Variants in GARNL3 observed in about 807,000 individuals in gnomAD.
GARNL3 encodes GTPase-activating Rap/Ran-GAP domain-like protein 3.
A neutral mutation model predicts 125.0 loss-of-function variants in GARNL3; 63 were observed. That is an observed-to-expected ratio of 0.50 (90% CI 0.41 to 0.62). The LOEUF is 0.62. Ranked by LOEUF, GARNL3 falls within the 20% of genes least tolerant of loss-of-function variation. The pLI, the probability that GARNL3 is intolerant of heterozygous loss-of-function variation, is 0.00. For synonymous variants in GARNL3, 439 were observed against 457.5 expected, an observed-to-expected ratio of 0.96 and a Z score of 0.52; for missense variants, 994 against 1,244.0, an observed-to-expected ratio of 0.80 and a Z score of 3.02.
At chr9:127,320,459 TAGA>T (rs2065363860) in intron 5 of GARNL3, among the ~76,000 whole-genome samples, 2 of 152,344 alleles carry the variant, frequency 1.3e-5, no homozygotes, top group South Asian at 4.1e-4. Context: ...AATAAGAATC[TAGA>T]AGAATAGCCA....
intron 1 of GARNL3, among the ~76,000 whole-genome samples, chr9:127,229,860 G>T (rs2062972422): frequency 6.6e-6 from 1 of 152,202 alleles, no homozygotes; most frequent in African/African-American, 2.4e-5. Context: ...TAAGCATCTT[G>T]TTGGCATCAG....
intron 22 of GARNL3, among the ~76,000 whole-genome samples, chr9:127,368,008 C>CTTTTTT (rs10573639): frequency 5.5e-4 from 45 of 81,898 alleles, no homozygotes; most frequent in African/African-American, 1.0e-3. Context: ...CATAGACTTT[C>CTTTTTT]TTTTTTTTTT....
chr9:127,239,957 G>T (rs539883680), intron 1 of GARNL3, among the ~76,000 whole-genome samples: 6 of 152,044 alleles, frequency 3.9e-5, no homozygotes, highest in African/African-American at 1.4e-4. Context: ...AAAAGAACAT[G>T]GTAAGATAAT....
chr9:127,225,238 C>T (rs986827802), intron 1 of GARNL3: 6 of 465,510 alleles, frequency 1.3e-5, no homozygotes, highest in South Asian at 9.0e-5. Context: ...TGGGCTGCGG[C>T]GCGCGAGCCG....
chr9:127,238,592 T>G (rs530502727), intron 1 of GARNL3, among the ~76,000 whole-genome samples: 26 of 152,334 alleles, frequency 1.7e-4, no homozygotes, highest in African/African-American at 5.8e-4. Flanking sequence ...GATACCCCCA[T>G]GTCCTCTCCT....
At chr9:127,348,238 C>G (rs1830245005) in intron 16 of GARNL3, among the ~76,000 whole-genome samples, 1 of 152,204 alleles carries the variant, frequency 6.6e-6, no homozygotes, top group Non-Finnish European at 1.5e-5. Context: ...TGACTAAGAT[C>G]ATGGAACACA....
rs76689290 is a variant in GARNL3 at position 127,294,856 on chromosome 9, G to A, written c.219+3614G>A. ...CCCTGCTCCTAGGGGCCTGCAGATGGCAGGGAGAGCCATCAGTAACCAATA... is the reference window on the plus strand; with the variant it reads ...CCCTGCTCCTAGGGGCCTGCAGATGACAGGGAGAGCCATCAGTAACCAATA... On this transcript the variant is annotated intron_variant, in intron 2 of 27. Coordinates refer to ENST00000373387, the MANE Select transcript of GARNL3 (RefSeq NM_032293.5). 4.7e-4 allele frequency among the ~76,000 whole-genome samples: 71 copies of A among 152,308 alleles called. 1 individual carries two copies. In the East Asian group the frequency reaches 0.013, roughly 27 times the overall value.
chr9:127,316,386 A>T (rs1468449673), intron 4 of GARNL3, among the ~76,000 whole-genome samples: 3 of 152,178 alleles, frequency 2.0e-5, no homozygotes, highest in African/African-American at 7.2e-5. Flanking sequence ...CTACAAAAAA[A>T]AAATAAAAAT....
chr9:127,274,253 C>A (rs1162519523), intron 1 of GARNL3, among the ~76,000 whole-genome samples: 2 of 152,162 alleles, frequency 1.3e-5, no homozygotes, highest in African/African-American at 4.8e-5. Flanking sequence ...AGAATTAACA[C>A]CACCTGACCA....
chr9:127,298,893 G>T (rs1430035814), intron 2 of GARNL3, among the ~76,000 whole-genome samples: 1 of 152,160 alleles, frequency 6.6e-6, no homozygotes, highest in Non-Finnish European at 1.5e-5. Context: ...GCAAGAAGAT[G>T]TATTACTGGT....
intron 4 of GARNL3, among the ~76,000 whole-genome samples, chr9:127,316,411 A>T (rs2065241478): frequency 6.6e-6 from 1 of 151,992 alleles, no homozygotes; most frequent in African/African-American, 2.4e-5. Flanking sequence ...CTGCCTTTGG[A>T]GTGTTGGGTA....
At chr9:127,369,979 C>T (rs1831518244) in intron 22 of GARNL3, among the ~76,000 whole-genome samples, 1 of 152,174 alleles carries the variant, frequency 6.6e-6, no homozygotes, top group Non-Finnish European at 1.5e-5. Context: ...GCATCAGAGC[C>T]ACAGGCAGCC....
At chr9:127,393,033 A>G in intron 27 of GARNL3, 50 bp from the exon 28 acceptor site, 2 of 1,449,040 alleles carry the variant, frequency 1.4e-6, no homozygotes, top group Non-Finnish European at 1.9e-6. Flanking sequence ...AAATAGGCCC[A>G]GTTCTGTGGT....
At chr9:127,303,620 C>G (rs189353706) in intron 2 of GARNL3, among the ~76,000 whole-genome samples, 62 of 152,250 alleles carry the variant, frequency 4.1e-4, no homozygotes, top group Non-Finnish European at 7.4e-5. Context: ...GTAAAATCAG[C>G]GTAACTGCAT....
chr9:127,262,250 A>G (rs1003032887), upstream of GARNL3, among the ~76,000 whole-genome samples: 2 of 152,210 alleles, frequency 1.3e-5, no homozygotes, highest in African/African-American at 4.8e-5. Flanking sequence ...TAACACAACT[A>G]AATGTTTACA....
chr9:127,296,884 G>T (rs1355519869), intron 2 of GARNL3, among the ~76,000 whole-genome samples: 2 of 151,808 alleles, frequency 1.3e-5, no homozygotes, highest in African/African-American at 4.8e-5. Context: ...TCCAATCAAG[G>T]CTTAGTCTTT....
chr9:127,233,757 C>T (rs192774029), intron 1 of GARNL3, among the ~76,000 whole-genome samples: 14 of 152,184 alleles, frequency 9.2e-5, no homozygotes, highest in South Asian at 6.2e-4. Flanking sequence ...AGAACAAATT[C>T]GATGCCAAGA....
chr9:127,377,761 C>A (rs972842453), intron 22 of GARNL3, among the ~76,000 whole-genome samples: 1 of 146,024 alleles, frequency 6.8e-6, no homozygotes, highest in Non-Finnish European at 1.5e-5. Context: ...GCACACCAGT[C>A]CAGCCTGGGC....
At chr9:127,284,473 C>A (rs1399061414) in intron 1 of GARNL3, among the ~76,000 whole-genome samples, 1 of 152,016 alleles carries the variant, frequency 6.6e-6, no homozygotes, top group Non-Finnish European at 1.5e-5. Context: ...ATTATACTAT[C>A]TTTCTAGTTT....
Sources: gnomAD v4.1 joint callset for allele counts (sites outside exome capture counted in the v4.1 genomes callset) on GRCh38, gnomAD v4.1.1 for gene constraint, MANE v1.5 for transcripts, NCBI Gene and HGNC (gene_info 2026-07-23, HGNC 2026-07-21) for gene names.